The following CDH23 variants were observed in gnomAD, a reference collection of about 807,000 sequenced individuals.
The protein encoded by CDH23 is cadherin-23.
Under a neutral mutation model 317.1 loss-of-function variants are expected in CDH23, and 189 were observed. The observed-to-expected ratio is 0.60, with a 90% CI of 0.53 to 0.67. CDH23 has a LOEUF of 0.67. CDH23 is among the 30% of genes least tolerant of loss of function. The pLI, the probability that CDH23 is intolerant of heterozygous loss-of-function variation, is 0.00. For missense variants in CDH23, 4,401 were observed against 4,592.4 expected (o/e 0.96, Z 1.20); for synonymous variants, 1,839 against 1,876.8 (o/e 0.98, Z 0.52).
At chr10:71,520,567 G>A (rs769295787) in intron 6 of CDH23, among the ~76,000 whole-genome samples, 29 of 152,230 alleles carry the variant, frequency 1.9e-4, no homozygotes, top group Non-Finnish European at 3.7e-4. Flanking sequence ...CTGGGCCAGA[G>A]GCACAGCACT....
chr10:71,594,000 G>A (rs907216053), intron 9 of CDH23, among the ~76,000 whole-genome samples: 2 of 152,132 alleles, frequency 1.3e-5, no homozygotes, highest in Non-Finnish European at 2.9e-5. Context: ...TTGGAAGGTT[G>A]GGAGGATTGC....
At chr10:71,524,483 G>A (rs528815632) in intron 6 of CDH23, among the ~76,000 whole-genome samples, 1 of 152,330 alleles carries the variant, frequency 6.6e-6, no homozygotes, top group African/African-American at 2.4e-5. Context: ...GCAGCTAGGG[G>A]CAAAAGGAGG....
chr10:71,439,716 C>T, intron 1 of CDH23, 111 bp from the exon 2 acceptor site: 1 of 741,450 alleles, frequency 1.3e-6, no homozygotes, highest in Non-Finnish European at 2.3e-6. Context: ...TCCTTCTCCT[C>T]CCTTCCCAGC....
At chr10:71,622,945 C>T (rs893809065) in intron 11 of CDH23, 21 of 985,266 alleles carry the variant, frequency 2.1e-5, no homozygotes, top group Non-Finnish European at 2.5e-5. Flanking sequence ...ATTTGCCGAA[C>T]CCCTGGCCTT....
At chr10:71,446,183 C>T in intron 2 of CDH23, 135 bp from the exon 3 acceptor site, 1 of 816,220 alleles carries the variant, frequency 1.2e-6, no homozygotes, top group East Asian at 2.7e-5. Flanking sequence ...TAGTGACTTC[C>T]AGGGTCCTGG....
At chr10:71,521,018 G>A (rs1309148899) in intron 6 of CDH23, among the ~76,000 whole-genome samples, 4 of 152,012 alleles carry the variant, frequency 2.6e-5, no homozygotes, top group East Asian at 1.9e-4. Flanking sequence ...CAACTTTGTG[G>A]TGTTGGCTGG....
rs1459850894 is a variant in CDH23, at chr10:71,510,294, C to T, written c.288+70C>T. The T allele has an allele frequency of 1.9e-6, 3 of 1,552,868 alleles. No individual in the cohort carries two copies. In the African/African-American group the frequency reaches 4.1e-5, roughly 21 times the overall value. On this transcript the variant is annotated intron_variant, in intron 4 of 69. Coordinates refer to ENST00000224721, the MANE Select transcript of CDH23 (RefSeq NM_022124.6). ...GGAGGAGACACTGGGGGAAGGACGG[C>T]CCGCCATCTTTTGGCGTCTTCCTCT...
At chr10:71,467,989 T>C (rs368622024) in intron 3 of CDH23, among the ~76,000 whole-genome samples, 41 of 152,270 alleles carry the variant, frequency 2.7e-4, no homozygotes, top group African/African-American at 8.7e-4. Context: ...CCTTCCTTCA[T>C]GGGGAAAAGT....
At chr10:71,547,795 C>T (rs570514920) in intron 6 of CDH23, among the ~76,000 whole-genome samples, 6 of 152,154 alleles carry the variant, frequency 3.9e-5, no homozygotes, top group South Asian at 2.1e-4. Flanking sequence ...TGTTCTTAGG[C>T]GTGCTGAATC....
chr10:71,417,540 AT>A (rs1848587360), intron 1 of CDH23, among the ~76,000 whole-genome samples: 2 of 152,122 alleles, frequency 1.3e-5, no homozygotes, highest in Non-Finnish European at 2.9e-5. Flanking sequence ...CAGGACTTAA[AT>A]TATACACATG....
chr10:71,738,822 C>T (rs1275087196), intron 35 of CDH23, among the ~76,000 whole-genome samples, 175 bp downstream of exon 35: 2 of 152,276 alleles, frequency 1.3e-5, no homozygotes, highest in Non-Finnish European at 2.9e-5. Flanking sequence ...TGCCTCAGAG[C>T]TATGCAGGCC....
intron 1 of CDH23, among the ~76,000 whole-genome samples, chr10:71,402,902 G>A (rs1847850433): frequency 6.6e-6 from 1 of 152,136 alleles, no homozygotes; most frequent in African/African-American, 2.4e-5. Flanking sequence ...GGATCACGAG[G>A]TCAGCAGATC....
intron 6 of CDH23, among the ~76,000 whole-genome samples, chr10:71,550,036 GA>G (rs1348762276): frequency 6.6e-6 from 1 of 152,148 alleles, no homozygotes. Context: ...CTTCTCTTTG[GA>G]AACAGGGTAT....
rs757000474 is a variant in CDH23 at position 71,761,747 on chromosome 10, G to A, written c.4846-15933G>A. On this transcript the variant is annotated intron_variant, in intron 38 of 69. Coordinates refer to ENST00000224721, the MANE Select transcript of CDH23 (RefSeq NM_022124.6). ...GAAGTTGCCATGGTGGTCGGAGGCC[G>A]ACTCCAGCCCGTGGCGCTGAGCCAG... The A allele has an allele frequency of 1.1e-5, 18 of 1,614,024 alleles. No homozygotes were observed. In the Admixed American group the frequency reaches 1.2e-4, roughly 10 times the overall value.
intron 14 of CDH23, 21 bp downstream of exon 14, chr10:71,646,638 A>C: frequency 6.2e-7 from 1 of 1,613,980 alleles, no homozygotes; most frequent in Non-Finnish European, 8.5e-7. Flanking sequence ...GCTTCACTGC[A>C]GGGCCACTGA....
chr10:71,614,214 C>T (rs1331027460), intron 9 of CDH23, among the ~76,000 whole-genome samples: 1 of 152,224 alleles, frequency 6.6e-6, no homozygotes, highest in Non-Finnish European at 1.5e-5. Context: ...AGATCACTTA[C>T]CAGGCTGCAA....
At chr10:71,590,330 C>T (rs1589241131) in intron 9 of CDH23, among the ~76,000 whole-genome samples, 1 of 152,332 alleles carries the variant, frequency 6.6e-6, no homozygotes, top group Middle Eastern at 3.4e-3. Flanking sequence ...TGGGCTGTGC[C>T]CCCATCCCAG....
chr10:71,564,715 T>C (rs1478913937), intron 6 of CDH23, among the ~76,000 whole-genome samples: 1 of 152,220 alleles, frequency 6.6e-6, no homozygotes, highest in Non-Finnish European at 1.5e-5. Context: ...GTGGTTTAAG[T>C]AGACTGGCCG....
rs377637825 is a variant in CDH23 at position 71,627,159 on chromosome 10, T to A, written c.1134+9766T>A. Among the ~76,000 whole-genome samples the A allele has an allele frequency of 1.3e-4, 20 of 152,328 alleles. 1 individual carries two copies. The highest frequency in any genetic ancestry group is 4.6e-4 in the Admixed American group (7 of 15,304). ...CTGTTTCCCCATCCTCTGCCCTGGC[T>A]GTAGGCAGGGGTCTGTTTGCAAGGC... On this transcript the variant is annotated intron_variant, in intron 11 of 69. Coordinates refer to ENST00000224721, the MANE Select transcript of CDH23 (RefSeq NM_022124.6).
Sources: gnomAD v4.1 joint callset for allele counts (sites outside exome capture counted in the v4.1 genomes callset) on GRCh38, gnomAD v4.1.1 for gene constraint, MANE v1.5 for transcripts, NCBI Gene and HGNC (gene_info 2026-07-23, HGNC 2026-07-21) for gene names.